Variants in COQ10B observed in about 807,000 individuals in gnomAD.
COQ10B encodes the protein coenzyme Q10B.
Under a neutral mutation model 27.6 loss-of-function variants are expected in COQ10B, and 12 were observed. That is an observed-to-expected ratio of 0.43 (90% confidence interval 0.28 to 0.70). The LOEUF is 0.70. Among genes scored for constraint, COQ10B ranks in the 30% least tolerant of loss-of-function variants. The pLI is 0.17. For missense variants in COQ10B, 278 were observed against 288.7 expected (o/e 0.96, Z 0.27); for synonymous variants, 115 against 103.0 (o/e 1.12, Z -0.71).
rs2085937126 is a variant in COQ10B, at chr2:197,475,179, G to C, written c.*1255G>C. On this transcript the variant is annotated 3_prime_UTR_variant, in exon 5 of 5. Coordinates refer to ENST00000263960, the MANE Select transcript of COQ10B (RefSeq NM_025147.5). ...TCCTATATTGTTTAAATGTGTATTTGCATAGACATAGTAAAGTGTTACAGC... is the reference window on the plus strand; with the variant it reads ...TCCTATATTGTTTAAATGTGTATTTCCATAGACATAGTAAAGTGTTACAGC... 2 of 152,250 alleles carry C rather than the reference G, an allele frequency of 1.3e-5. No homozygotes were observed. The highest frequency in any genetic ancestry group is 1.3e-4 in the Admixed American group (2 of 15,270). 9.4% of individuals were successfully genotyped at this position (152,250 alleles called of 1,614,324 possible).
In COQ10B at chr2:197,462,676, C is replaced by T; in HGVS notation, c.392C>T (p.Pro131Leu). The T allele has an allele frequency of 6.2e-7, 1 of 1,604,190 alleles. No individual in the cohort carries two copies. The highest frequency in any genetic ancestry group is 8.5e-7 in the Non-Finnish European group (1 of 1,175,874). ...ACAAGATTAGAAATTGGATTTCCAC[C>T]TGTGTTGGAGCGATATACATCAGTA... ...CKTRLEIGFP[P>L]VLERYTSVVT... Residue 131 changes from proline (P) to leucine (L), a missense_variant, in exon 3 of 5, where the codon CCT becomes CTT. Coordinates refer to ENST00000263960, the MANE Select transcript of COQ10B (RefSeq NM_025147.5).
rs1404862574 is a variant in COQ10B at position 197,454,009 on chromosome 2, G to C, written c.104+345G>C. ...TGGAAAGTTTTAACTTTGCGCAGAA[G>C]GGTTGCCGGCTGCTGGCTGTATGGG... is the stretch of plus-strand genomic sequence containing the variant. On this transcript the variant is annotated intron_variant, in intron 1 of 4. Coordinates refer to ENST00000263960, the MANE Select transcript of COQ10B (RefSeq NM_025147.5). 3.2e-6 allele frequency: 5 copies of C among 1,551,106 alleles called. No homozygotes were observed. The African/African-American group carries it at 5.5e-5, about 17-fold the overall frequency.
Position 197,453,582 on chromosome 2 carries a change from A to T in COQ10B, c.22A>T (p.Thr8Ser). MAARTGH[T>S]ALRRVVSGCR... ...TATCATGGCAGCTCGGACTGGTCAT[A>T]CGGCCTTGAGAAGGGTAGTCTCGGG... Residue 8 changes from threonine (T) to serine (S), a missense_variant, in exon 1 of 5, where the codon ACG becomes TCG. Thr to Ser is a moderately conservative substitution (Grantham distance 58). Around this residue, in one of 3 missense-constraint regions of COQ10B, gnomAD observed 183 missense variants for 158.2 expected, o/e 1.16. Transcript: ENST00000263960. The T allele has an allele frequency of 6.2e-7, 1 of 1,613,926 alleles. No individual in the cohort carries two copies. The highest frequency in any genetic ancestry group is 8.5e-7 in the Non-Finnish European group (1 of 1,179,904).
intron 4 of COQ10B, among the ~76,000 whole-genome samples, chr2:197,472,817 A>AAG (rs1553575251): frequency 1.3e-5 from 2 of 149,868 alleles, no homozygotes; most frequent in Non-Finnish European, 3.0e-5. Context: ...AAAAAAAAAA[A>AAG]AAAAGAAAGA....
intron 1 of COQ10B, among the ~76,000 whole-genome samples, chr2:197,457,614 T>C (rs1476271712): frequency 6.6e-6 from 1 of 152,010 alleles, no homozygotes; most frequent in Non-Finnish European, 1.5e-5. Flanking sequence ...TTATGTGTCT[T>C]TTCAATTACT....
intron 4 of COQ10B, 60 bp from the exon 5 acceptor site, chr2:197,473,695 CAA>C (rs78531672): frequency 0.03 from 26,623 of 895,976 alleles, no homozygotes; most frequent in South Asian, 0.046. Flanking sequence ...CCAGGAAAAC[CAA>C]AAAAAAAAAA....
At position 197,457,437 on chromosome 2, in the gene COQ10B, C is replaced by A. The variant is rs900307267; in HGVS notation, c.105-2495C>A. ...ATGTATCGAAACATAGAATTATGCT[C>A]TTACCACTATTATAAAATCAACTAC... On this transcript the variant is annotated intron_variant, in intron 1 of 4. Coordinates refer to ENST00000263960, the MANE Select transcript of COQ10B (RefSeq NM_025147.5). Among the ~76,000 whole-genome samples the A allele has an allele frequency of 2.6e-5, 4 of 152,130 alleles. No individual in the cohort carries two copies. In the East Asian group the frequency reaches 7.7e-4, roughly 29 times the overall value.
At chr2:197,469,235 C>T (rs1310459617) in intron 3 of COQ10B, among the ~76,000 whole-genome samples, 2 of 151,814 alleles carry the variant, frequency 1.3e-5, no homozygotes, top group African/African-American at 2.4e-5. Flanking sequence ...CAGGGAATCT[C>T]GTTCTGTTGC....
In COQ10B at chr2:197,460,034, A is replaced by G. The variant is rs752973192; in HGVS notation, c.207A>G (p.Ala69=). The G allele has an allele frequency of 1.5e-5, 24 of 1,610,934 alleles. 1 individual carries two copies. The South Asian group carries it at 2.6e-4, about 18-fold the overall frequency. The part of the protein sequence containing the change: ...ICARTFFKIT[A]PLINKRKEYS... ...CACGAACTTTCTTCAAAATCACTGC[A>G]CCATTAATAAACAAAAGGAAAGAAT... The change falls in exon 2 of 5, where the codon GCA becomes GCG. Residue 69 remains alanine (A), a synonymous_variant. Transcript: ENST00000263960.
intron 3 of COQ10B, among the ~76,000 whole-genome samples, chr2:197,467,543 A>C (rs1331280544): frequency 6.6e-6 from 1 of 151,982 alleles, no homozygotes; most frequent in Non-Finnish European, 1.5e-5. Flanking sequence ...ACGCCCAGCT[A>C]ATTTTGTATT....
chr2:197,466,913 C>G (rs960562420), intron 3 of COQ10B, among the ~76,000 whole-genome samples: 1 of 150,560 alleles, frequency 6.6e-6, no homozygotes, highest in African/African-American at 2.4e-5. Context: ...AATATATGCT[C>G]AACTTTCAGT....
At chr2:197,473,710 A>G in intron 4 of COQ10B, 47 bp from the exon 5 acceptor site, 2 of 1,286,556 alleles carry the variant, frequency 1.6e-6, no homozygotes, top group South Asian at 1.9e-5. Context: ...AAAAAAAAAA[A>G]GCAAAAAATA....
At chr2:197,472,727 C>T (rs942453940) in intron 4 of COQ10B, among the ~76,000 whole-genome samples, 1 of 145,308 alleles carries the variant, frequency 6.9e-6, no homozygotes, top group Non-Finnish European at 1.5e-5. Context: ...TCGCTTGAAC[C>T]TAGAAGTCAG....
At chr2:197,461,546 A>G (rs1177020431) in intron 2 of COQ10B, among the ~76,000 whole-genome samples, 1 of 144,452 alleles carries the variant, frequency 6.9e-6, no homozygotes, top group African/African-American at 2.7e-5. Context: ...AACTAAAAAA[A>G]TACTGATTTA....
chr2:197,457,427 G>C (rs1049478400), intron 1 of COQ10B, among the ~76,000 whole-genome samples: 3 of 152,146 alleles, frequency 2.0e-5, no homozygotes, highest in African/African-American at 7.2e-5. Flanking sequence ...TCGAAACATA[G>C]AATTATGCTC....
At chr2:197,457,775 C>G (rs1005246782) in intron 1 of COQ10B, among the ~76,000 whole-genome samples, 2 of 152,018 alleles carry the variant, frequency 1.3e-5, no homozygotes, top group African/African-American at 4.8e-5. Context: ...GCACGTGCCA[C>G]CACACCCGGC....
Position 197,474,816 on chromosome 2 carries a change from T to TC in COQ10B, c.*893dup, listed in dbSNP as rs2085932734. The TC allele has an allele frequency of 7.0e-6, 1 of 143,560 alleles. No homozygotes were observed. Among genetic ancestry groups the TC allele is most frequent in the Non-Finnish European group, 1.5e-5 (1 of 66,308 alleles). The allele number at this position is 143,560 out of a possible 1,614,324, so 8.9% of individuals were successfully genotyped here. On this transcript the variant is annotated 3_prime_UTR_variant, in exon 5 of 5. Coordinates refer to ENST00000263960, the MANE Select transcript of COQ10B (RefSeq NM_025147.5). ...CTCCCAGATAAACAGTGTATTTTCT[T>TC]CTTTTTTTTTTTTTTTTTGGTGAGT...
At chr2:197,470,279 G>A (rs1167310345) in intron 4 of COQ10B, 108 bp downstream of exon 4, 11 of 608,314 alleles carry the variant, frequency 1.8e-5, no homozygotes, top group Middle Eastern at 3.1e-4. Flanking sequence ...ACCTTTTTCT[G>A]CATAAATGCT....
intron 3 of COQ10B, 122 bp downstream of exon 3, chr2:197,462,853 A>G (rs2085776897): frequency 3.6e-6 from 2 of 559,684 alleles, no homozygotes; most frequent in Admixed American, 3.8e-5. Context: ...TAAAAAATTT[A>G]TTATATCTCC....
Sources: allele counts gnomAD v4.1 joint callset (sites outside exome capture counted in the v4.1 genomes callset), GRCh38; gene constraint gnomAD v4.1.1; regional missense constraint gnomAD v4.1.1; transcripts MANE v1.5; gene names NCBI Gene and HGNC (gene_info 2026-07-23, HGNC 2026-07-21).